Variants in RIMS2 observed in about 807,000 individuals in gnomAD.
RIMS2 encodes regulating synaptic membrane exocytosis protein 2.
In RIMS2, 59 loss-of-function variants were observed where a neutral mutation model predicts 174.4. The observed-to-expected ratio is 0.34, with a 90% CI of 0.27 to 0.42. RIMS2 has a LOEUF of 0.42. RIMS2 is among the 10% of genes least tolerant of loss of function. RIMS2 has a pLI of 1.00. For missense variants in RIMS2, 1,620 were observed against 1,666.3 expected, an observed-to-expected ratio of 0.97 and a Z score of 0.48; for synonymous variants, 606 against 572.5, an observed-to-expected ratio of 1.06 and a Z score of -0.84.
At chr8:103,706,791 TG>T (rs1267124222) in intron 2 of RIMS2, among the ~76,000 whole-genome samples, 4 of 152,234 alleles carry the variant, frequency 2.6e-5, no homozygotes, top group African/African-American at 9.6e-5. Context: ...TTGAATCTGC[TG>T]GTATTCTTTG....
At chr8:103,513,416 G>C (rs1458510168) in intron 1 of RIMS2, among the ~76,000 whole-genome samples, 1 of 152,150 alleles carries the variant, frequency 6.6e-6, no homozygotes, top group Admixed American at 6.5e-5. Flanking sequence ...CATGGTGGCA[G>C]ATGTTTTGGA....
At position 103,818,658 on chromosome 8, in the gene RIMS2, T is replaced by C. The variant is rs1267335277; in HGVS notation, c.698+52121T>C. ...TGTGTGGTGTTTAGGTGAATTTTAA[T>C]TGAAAAGCTATAATGTTTTTCTAAA... is the stretch of plus-strand genomic sequence containing the variant. On this transcript the variant is annotated intron_variant, in intron 3 of 23. Coordinates refer to ENST00000504942, the Ensembl canonical transcript of RIMS2. Among the ~76,000 whole-genome samples, 3 of 152,320 alleles carry C rather than the reference T, an allele frequency of 2.0e-5. No individual in the cohort carries two copies. The East Asian group carries it at 5.8e-4, about 29-fold the overall frequency.
intron 19 of RIMS2, among the ~76,000 whole-genome samples, chr8:104,207,608 C>A (rs2099086508): frequency 6.6e-6 from 1 of 151,838 alleles, no homozygotes; most frequent in Admixed American, 6.6e-5. Context: ...GAGTTCGAGA[C>A]CAGCCTGGCC....
intron 1 of RIMS2, among the ~76,000 whole-genome samples, chr8:103,665,141 G>C (rs138906604): frequency 6.6e-6 from 1 of 152,206 alleles, no homozygotes; most frequent in Admixed American, 6.5e-5. Context: ...TGGGAGCCTG[G>C]GGGAGGGATA....
chr8:103,918,349 C>A, intron 8 of RIMS2, 92 bp from the exon 12 acceptor site: 1 of 696,526 alleles, frequency 1.4e-6, no homozygotes, highest in Non-Finnish European at 2.4e-6. Flanking sequence ...ATTTTACACT[C>A]TCCTATTAAT....
At chr8:104,035,217 G>A (rs1204511788) in intron 19 of RIMS2, among the ~76,000 whole-genome samples, 4 of 151,416 alleles carry the variant, frequency 2.6e-5, no homozygotes, top group South Asian at 2.1e-4. Flanking sequence ...AAACCATAAC[G>A]TGCTCTTATC....
chr8:103,974,241 A>T (rs1418628115), intron 15 of RIMS2, among the ~76,000 whole-genome samples: 1 of 152,196 alleles, frequency 6.6e-6, no homozygotes, highest in Non-Finnish European at 1.5e-5. Context: ...ATTGTAAAGT[A>T]TTATCATGAT....
At chr8:103,691,662 T>G (rs940068917) in intron 1 of RIMS2, among the ~76,000 whole-genome samples, 5 of 152,216 alleles carry the variant, frequency 3.3e-5, no homozygotes. Context: ...GACATATATT[T>G]CTGTCTCTCT....
At chr8:103,563,812 C>G (rs2091967684) in intron 1 of RIMS2, among the ~76,000 whole-genome samples, 1 of 152,168 alleles carries the variant, frequency 6.6e-6, no homozygotes, top group Non-Finnish European at 1.5e-5. Flanking sequence ...GTCTCACAAT[C>G]ATGGCAGAAG....
chr8:103,789,476 A>G (rs1259035376), intron 3 of RIMS2, among the ~76,000 whole-genome samples: 1 of 152,116 alleles, frequency 6.6e-6, no homozygotes, highest in Non-Finnish European at 1.5e-5. Flanking sequence ...GAGGGACCTT[A>G]ATCACATCTG....
intron 1 of RIMS2, among the ~76,000 whole-genome samples, chr8:103,686,150 G>A (rs1372293355): frequency 4.0e-5 from 6 of 151,874 alleles, no homozygotes; most frequent in East Asian, 3.8e-4. Flanking sequence ...CTAAATACAC[G>A]TGTAATTGTT....
chr8:103,765,243 AG>A (rs1300720852), intron 2 of RIMS2, among the ~76,000 whole-genome samples: 1 of 152,204 alleles, frequency 6.6e-6, no homozygotes, highest in African/African-American at 2.4e-5. Flanking sequence ...TTAATTGAAA[AG>A]GATTTTTCAG....
rs2096519320 is a variant in RIMS2, at chr8:103,655,529, A to T, written c.177-41557A>T. Among the ~76,000 whole-genome samples, 5 of 152,136 alleles carry T rather than the reference A, an allele frequency of 3.3e-5. No individual in the cohort carries two copies. In the South Asian group the frequency reaches 6.2e-4, roughly 19 times the overall value. On this transcript the variant is annotated intron_variant, in intron 1 of 23. Coordinates refer to ENST00000504942, the Ensembl canonical transcript of RIMS2. ...ATTGGATTACTTTACTTTGAATTTT[A>T]TATTTTAGTTTTATTTATGTTTTGC...
At chr8:103,613,531 A>T (rs2095436368) in intron 1 of RIMS2, among the ~76,000 whole-genome samples, 1 of 152,140 alleles carries the variant, frequency 6.6e-6, no homozygotes, top group South Asian at 2.1e-4. Flanking sequence ...TCATGAACCT[A>T]CTTATTGCTC....
rs771269472 is a variant in RIMS2 at position 103,989,293 on chromosome 8, T to C, written c.2928-12T>C. 4.8e-6 allele frequency: 7 copies of C among 1,465,034 alleles called. No individual in the cohort carries two copies. The Admixed American group carries it at 1.0e-4, about 21-fold the overall frequency. 90.8% of individuals were successfully genotyped at this position (1,465,034 alleles called of 1,614,324 possible). ...GGTTTACTAAGATATTGAATAGATC[T>C]TGTTGTTTTAGTCGGAATGTGGAAC... On this transcript the variant is annotated splice_polypyrimidine_tract_variant and intron_variant, in intron 16 of 23. Coordinates refer to ENST00000504942, the Ensembl canonical transcript of RIMS2.
At chr8:103,536,620 A>T (rs1469228166) in intron 1 of RIMS2, among the ~76,000 whole-genome samples, 1 of 152,162 alleles carries the variant, frequency 6.6e-6, no homozygotes, top group Non-Finnish European at 1.5e-5. Context: ...CACATCTTGC[A>T]TGGCCAGAGC....
intron 4 of RIMS2, among the ~76,000 whole-genome samples, chr8:103,903,414 A>G (rs2073654592): frequency 6.6e-6 from 1 of 151,850 alleles, no homozygotes; most frequent in Admixed American, 6.6e-5. Flanking sequence ...TATTAACCCA[A>G]AGTAATGAAA....
rs759228374 is a variant in RIMS2, at chr8:104,251,100, G to A, written c.3768G>A (p.Thr1256=). 5.6e-6 allele frequency: 9 copies of A among 1,613,404 alleles called. No individual in the cohort carries two copies. In the East Asian group the frequency reaches 8.9e-5, roughly 16 times the overall value. ...AGAAAACAAAAGTGGCAAGAAAAAC[G>A]CTGGAACCCCTTTACCAGCAGCTAT... Residue 1256 remains threonine, a synonymous_variant, in exon 23 of 24, where the codon ACG becomes ACA. Transcript: ENST00000504942.
rs989472228 is a variant in RIMS2, at chr8:104,094,749, G to A, written c.3334+80134G>A. ...TACCAGGTAAAATATGTTATTTGTAGGCATTTCCCATTAGTAATGTAGTCT... is the reference window on the plus strand; with the variant it reads ...TACCAGGTAAAATATGTTATTTGTAAGCATTTCCCATTAGTAATGTAGTCT... On this transcript the variant is annotated intron_variant, in intron 19 of 23. Transcript: ENST00000504942. 4.6e-6 allele frequency: 3 copies of A among 645,376 alleles called. No homozygotes were observed. In the African/African-American group the frequency reaches 5.5e-5, roughly 12 times the overall value. 40.0% of individuals were successfully genotyped at this position (645,376 alleles called of 1,614,324 possible).
Sources: allele counts gnomAD v4.1 joint callset (sites outside exome capture counted in the v4.1 genomes callset), GRCh38; gene constraint gnomAD v4.1.1; transcripts MANE v1.5; gene names NCBI Gene and HGNC (gene_info 2026-07-23, HGNC 2026-07-21).